ARID1B: variants seen among roughly 807,000 people sequenced by gnomAD.
ARID1B encodes AT-rich interactive domain-containing protein 1B.
In ARID1B, 30 loss-of-function variants were observed where a neutral mutation model predicts 212.3. The ratio of observed to expected loss-of-function variants is 0.14; its 90% confidence interval spans 0.11 to 0.19. The LOEUF (loss-of-function observed/expected upper bound fraction) is 0.19, where lower values mean the gene tolerates loss of function less well. Ranked by LOEUF, ARID1B falls within the 10% of genes least tolerant of loss-of-function variation. The pLI, the probability that ARID1B is intolerant of heterozygous loss-of-function variation, is 1.00. For synonymous variants in ARID1B, 1,402 were observed against 1,301.7 expected, an observed-to-expected ratio of 1.08 and a Z score of -1.66; for missense variants, 2,891 against 3,204.0, an observed-to-expected ratio of 0.90 and a Z score of 2.36.
intron 4 of ARID1B, among the ~76,000 whole-genome samples, chr6:156,978,358 T>C (rs1777393359): frequency 6.6e-6 from 1 of 152,232 alleles, no homozygotes; most frequent in African/African-American, 2.4e-5. Context: ...TTGAAAATGA[T>C]TGCACCACAG....
At chr6:156,989,552 AT>A (rs1208282319) in intron 4 of ARID1B, among the ~76,000 whole-genome samples, 12 of 152,208 alleles carry the variant, frequency 7.9e-5, no homozygotes, top group Admixed American at 7.2e-4. Flanking sequence ...GGTGATACAT[AT>A]TTGGCCTTTA....
chr6:157,148,539 C>G lies in ARID1B; in HGVS notation c.2762-85C>G, dbSNP rs1789965695. On this transcript the variant is annotated intron_variant, in intron 7 of 19. Coordinates refer to ENST00000636930, the MANE Select transcript of ARID1B (RefSeq NM_001374828.1). The surrounding 1 kb of genome is among the most constrained non-coding windows in gnomAD (Gnocchi z 5.6). ...GTCATGACTAATACTCCGTGCTGAT[C>G]GCATTGTTGGACAAAAAGTATTTCC... 1 of 1,429,760 alleles carries G rather than the reference C, an allele frequency of 7.0e-7. No homozygotes were observed. Among genetic ancestry groups the G allele is most frequent in the Non-Finnish European group, 9.5e-7 (1 of 1,050,270 alleles). 88.6% of individuals were successfully genotyped at this position (1,429,760 alleles called of 1,614,324 possible).
In ARID1B at chr6:157,203,871, C is replaced by T; in HGVS notation, c.5269C>T (p.Pro1757Ser). The T allele has an allele frequency of 6.2e-7, 1 of 1,614,154 alleles. No individual in the cohort carries two copies. The highest frequency in any genetic ancestry group is 8.5e-7 in the Non-Finnish European group (1 of 1,180,002). Residue 1757 changes from proline (P) to serine (S), a missense_variant, in exon 19 of 20, where the codon CCT becomes TCT. This residue lies in a region of ARID1B where 666 missense variants were observed against 873.5 expected (regional missense o/e 0.76). Coordinates refer to ENST00000636930, the MANE Select transcript of ARID1B (RefSeq NM_001374828.1). The surrounding 1 kb of genome is among the most constrained non-coding windows in gnomAD (Gnocchi z 4.4). ...TTGTTCTTCCCCATCTTCAGTTACTCCTGAGGCGTGGCGTGTGATGATGTC... is the reference window on the plus strand; with the variant it reads ...TTGTTCTTCCCCATCTTCAGTTACTTCTGAGGCGTGGCGTGTGATGATGTC... ...RKITSKDIVT[P>S]EAWRVMMSLK...
chr6:156,819,928 G>A (rs1782236242), intron 1 of ARID1B, among the ~76,000 whole-genome samples: 1 of 152,054 alleles, frequency 6.6e-6, no homozygotes. Flanking sequence ...TTGGAGGGGA[G>A]ATTTCCTGCT....
At chr6:156,905,817 T>C (rs575548726) in intron 3 of ARID1B, among the ~76,000 whole-genome samples, 2 of 152,228 alleles carry the variant, frequency 1.3e-5, no homozygotes, top group South Asian at 4.1e-4. Flanking sequence ...TCCTATAAAC[T>C]TTTTCTTTTT....
intron 3 of ARID1B, among the ~76,000 whole-genome samples, chr6:156,905,258 A>G (rs929532513): frequency 6.6e-6 from 1 of 151,692 alleles, no homozygotes; most frequent in African/African-American, 2.4e-5. Flanking sequence ...ACGCACACAC[A>G]CACACACACA....
rs867491079 is a variant in ARID1B at position 156,863,902 on chromosome 6, T to G, written c.1986+34481T>G. Among the ~76,000 whole-genome samples the G allele has an allele frequency of 3.9e-5, 6 of 152,086 alleles. No homozygotes were observed. The South Asian group carries it at 1.0e-3, about 26-fold the overall frequency. On this transcript the variant is annotated intron_variant, in intron 2 of 19. Coordinates refer to ENST00000636930, the MANE Select transcript of ARID1B (RefSeq NM_001374828.1). Reference sequence around the variant, plus strand: ...CATGTGCAAAATTGGATGTGTGGAGTGTGGAGAGGGAAGGAGAGATTCCGT... The same window carrying G: ...CATGTGCAAAATTGGATGTGTGGAGGGTGGAGAGGGAAGGAGAGATTCCGT...
At chr6:157,024,195 T>G (rs1307661253) in intron 4 of ARID1B, 1 of 152,234 alleles carries the variant, frequency 6.6e-6, no homozygotes, top group Non-Finnish European at 1.5e-5. Flanking sequence ...GCCACAAAAA[T>G]GATATGTGGT....
chr6:157,102,833 G>A (rs1338800361), intron 5 of ARID1B, among the ~76,000 whole-genome samples: 3 of 151,690 alleles, frequency 2.0e-5, no homozygotes, highest in African/African-American at 4.8e-5. Flanking sequence ...TCCTGACCTC[G>A]TGATCCACCC....
intron 1 of ARID1B, among the ~76,000 whole-genome samples, chr6:156,820,054 G>A (rs972912905): frequency 6.6e-6 from 1 of 152,150 alleles, no homozygotes; most frequent in Non-Finnish European, 1.5e-5. Context: ...TGGATGGGGT[G>A]TCTTTCTCTG....
At chr6:156,884,199 A>G (rs1787327102) in intron 2 of ARID1B, among the ~76,000 whole-genome samples, 1 of 152,188 alleles carries the variant, frequency 6.6e-6, no homozygotes, top group African/African-American at 2.4e-5. Context: ...TTTGACATAA[A>G]ATATGTTTCT....
At chr6:156,956,043 TA>T (rs1410856193) in intron 4 of ARID1B, among the ~76,000 whole-genome samples, 1 of 152,166 alleles carries the variant, frequency 6.6e-6, no homozygotes, top group African/African-American at 2.4e-5. Context: ...TAAGGTCAGA[TA>T]AAACTGGCCT....
rs1194536547 is a variant in ARID1B, at chr6:157,203,445, T to A, written c.5264-421T>A. On this transcript the variant is annotated intron_variant, in intron 18 of 19. Transcript: ENST00000636930. This position sits in a 1 kb window ranked among gnomAD's most constrained non-coding sequence, Gnocchi z 4.4. The stretch of plus-strand genomic sequence containing the variant: ...TCCATGTTCTGCATACTTGGCGGCC[T>A]TCCAGGACGCCACCTTGAGACACTC... Among the ~76,000 whole-genome samples, 2 of 152,186 alleles carry A rather than the reference T, an allele frequency of 1.3e-5. No individual in the cohort carries two copies. The highest frequency in any genetic ancestry group is 2.9e-5 in the Non-Finnish European group (2 of 68,036).
At chr6:157,079,863 A>G (rs1310476843) in intron 4 of ARID1B, among the ~76,000 whole-genome samples, 1 of 152,204 alleles carries the variant, frequency 6.6e-6, no homozygotes, top group Non-Finnish European at 1.5e-5. Context: ...GAAAAAGAAA[A>G]AGAAAAAGTA....
At position 157,174,092 on chromosome 6, in the gene ARID1B, C is replaced by T. The variant is rs1403026992; in HGVS notation, c.3320C>T (p.Thr1107Ile). 2 of 1,614,082 alleles carry T rather than the reference C, an allele frequency of 1.2e-6. No individual in the cohort carries two copies. The highest frequency in any genetic ancestry group is 1.3e-5 in the African/African-American group (1 of 74,930). The change falls in exon 10 of 20, where the codon ACT becomes ATT. Residue 1107 changes from threonine to isoleucine, a missense_variant. Around this residue, in one of 7 missense-constraint regions of ARID1B, gnomAD observed 1,643 missense variants for 1,544.0 expected, o/e 1.06. Coordinates refer to ENST00000636930, the MANE Select transcript of ARID1B (RefSeq NM_001374828.1). ...AAAGCAGACGGCAAAGAAGAAGGCA[C>T]TCCACAGCCCGAGAGCAAGTCAAAG... Reference protein sequence around the residue: ...PLKADGKEEGTPQPESKSKDS... With the variant: ...PLKADGKEEGIPQPESKSKDS...
At chr6:157,146,779 A>C (rs969133369) in intron 7 of ARID1B, among the ~76,000 whole-genome samples, 1 of 152,204 alleles carries the variant, frequency 6.6e-6, no homozygotes, top group African/African-American at 2.4e-5. Flanking sequence ...TGTTACATGG[A>C]TGGAGAAAGG....
At chr6:157,135,238 A>G (rs1209439674) in intron 7 of ARID1B, among the ~76,000 whole-genome samples, 1 of 152,096 alleles carries the variant, frequency 6.6e-6, no homozygotes, top group Non-Finnish European at 1.5e-5. Context: ...CTTTTTGTCT[A>G]GAAAATGAGA....
Position 156,778,921 on chromosome 6 carries a change from C to A in ARID1B, c.1241C>A (p.Ala414Glu). The change falls in exon 1 of 20, where the codon GCA (alanine) becomes GAA (glutamate). Residue 414 changes from alanine (A) to glutamate (E), a missense_variant. Around this residue, in one of 7 missense-constraint regions of ARID1B, gnomAD observed 1,643 missense variants for 1,544.0 expected, o/e 1.06. Coordinates refer to ENST00000636930, the MANE Select transcript of ARID1B (RefSeq NM_001374828.1). ...GGGGGGGGAG[A>E]GGAGAGAVAA... The stretch of plus-strand genomic sequence containing the variant: ...GGAGGAGGAGGAGGAGGAGCAGGAG[C>A]AGGAGGAGCAGGAGCGGGAGCTGTG... The A allele has an allele frequency of 2.3e-6, 3 of 1,306,870 alleles. No individual in the cohort carries two copies. Among genetic ancestry groups the A allele is most frequent in the Non-Finnish European group, 2.9e-6 (3 of 1,035,542 alleles). The allele number at this position is 1,306,870 out of a possible 1,614,324, so 81.0% of individuals were successfully genotyped here. A position where few individuals can be genotyped will look rare whatever the true frequency, so the allele number is the denominator to read the frequency against.
rs749411375 is a variant in ARID1B at position 156,888,413 on chromosome 6, T to C, written c.1987-12963T>C. Among the ~76,000 whole-genome samples the C allele has an allele frequency of 2.6e-5, 4 of 152,250 alleles. 1 individual carries two copies. The East Asian group carries it at 5.8e-4, about 22-fold the overall frequency. ...GCCTGACACTTATTTTAAAGTCTTATTAGAAAACCCTGCTGTTCTAACATG... is the reference window on the plus strand; with the variant it reads ...GCCTGACACTTATTTTAAAGTCTTACTAGAAAACCCTGCTGTTCTAACATG... On this transcript the variant is annotated intron_variant, in intron 2 of 19. Coordinates refer to ENST00000636930, the MANE Select transcript of ARID1B (RefSeq NM_001374828.1).
Sources: allele counts gnomAD v4.1 joint callset (sites outside exome capture counted in the v4.1 genomes callset), GRCh38; gene constraint gnomAD v4.1.1; regional missense constraint gnomAD v4.1.1; non-coding constraint Gnocchi (gnomAD v3.1); transcripts MANE v1.5; gene names NCBI Gene and HGNC (gene_info 2026-07-23, HGNC 2026-07-21).